PDCD1LG2: variants seen among roughly 807,000 people sequenced by gnomAD.
PDCD1LG2 encodes programmed cell death 1 ligand 2, also known as B7 dendritic cell molecule.
Under a neutral mutation model 28.2 loss-of-function variants are expected in PDCD1LG2, and 32 were observed. The observed-to-expected ratio is 1.13, with a 90% CI of 0.86 to 1.52. The LOEUF (loss-of-function observed/expected upper bound fraction) is 1.52. Ranked by LOEUF, PDCD1LG2 falls within the 40% of genes most tolerant of loss-of-function variation. The probability of loss-of-function intolerance (pLI) is 0.00; values close to 1 mark genes in which losing one functional copy is unlikely to be tolerated. For synonymous variants in PDCD1LG2, 116 were observed against 120.2 expected (o/e 0.97, Z 0.23); for missense variants, 385 against 323.8 (o/e 1.19, Z -1.45).
At chr9:5,513,734 G>C (rs1168053283) in intron 1 of PDCD1LG2, among the ~76,000 whole-genome samples, 1 of 152,176 alleles carries the variant, frequency 6.6e-6, no homozygotes, top group Non-Finnish European at 1.5e-5. Flanking sequence ...ATATACCTAT[G>C]ACAGCAGAGT....
At chr9:5,519,820 T>C (rs1203874306) in intron 1 of PDCD1LG2, among the ~76,000 whole-genome samples, 2 of 152,204 alleles carry the variant, frequency 1.3e-5, no homozygotes, top group Non-Finnish European at 2.9e-5. Context: ...AGCATCTCCA[T>C]TGCCTTAGTG....
chr9:5,526,428 C>CT (rs1232317168), intron 2 of PDCD1LG2, among the ~76,000 whole-genome samples: 1 of 151,888 alleles, frequency 6.6e-6, no homozygotes, highest in Non-Finnish European at 1.5e-5. Flanking sequence ...TTATTTTTAC[C>CT]TTTTTTAAAT....
intron 6 of PDCD1LG2, among the ~76,000 whole-genome samples, chr9:5,566,493 T>C (rs1816668156): frequency 6.6e-6 from 1 of 152,216 alleles, no homozygotes; most frequent in African/African-American, 2.4e-5. Context: ...GGGTAGAAGA[T>C]GTAAGAGTTG....
chr9:5,537,844 C>A (rs973019747), intron 3 of PDCD1LG2, among the ~76,000 whole-genome samples: 1 of 151,920 alleles, frequency 6.6e-6, no homozygotes, highest in South Asian at 2.1e-4. Flanking sequence ...CAAACCTGCA[C>A]GTTGTGCACA....
Position 5,563,181 on chromosome 9 carries a change from C to G in PDCD1LG2, c.786C>G (p.Val262=), listed in dbSNP as rs890047189. 6.2e-7 allele frequency: 1 copy of G among 1,612,538 alleles called. No individual in the cohort carries two copies. Among genetic ancestry groups the G allele is most frequent in the Non-Finnish European group, 8.5e-7 (1 of 1,178,774 alleles). Residue 262 remains valine (V), a synonymous_variant, in exon 6 of 7, where the codon GTC becomes GTG. Transcript: ENST00000397747. The part of the protein sequence containing the change: ...YSSKDTTKRP[V]TTTKREVNSA... ...TTTCAGACACAACAAAAAGACCTGT[C>G]ACCACAACAAAGAGGGAAGTGAACA...
intron 2 of PDCD1LG2, among the ~76,000 whole-genome samples, chr9:5,522,949 C>A (rs528871395): frequency 1.8e-4 from 28 of 152,270 alleles, no homozygotes; most frequent in Non-Finnish European, 1.5e-4. Context: ...GCAGCTGTCC[C>A]CTTCCTTTCT....
At chr9:5,525,918 A>G (rs1309718187) in intron 2 of PDCD1LG2, among the ~76,000 whole-genome samples, 1 of 152,054 alleles carries the variant, frequency 6.6e-6, no homozygotes, top group East Asian at 1.9e-4. Flanking sequence ...ATGGTGGCAC[A>G]AGCCTGTAAT....
intron 2 of PDCD1LG2, among the ~76,000 whole-genome samples, chr9:5,525,708 A>G (rs528404534): frequency 6.6e-6 from 1 of 152,274 alleles, no homozygotes; most frequent in East Asian, 1.9e-4. Flanking sequence ...TTTCATAAAT[A>G]AATATATTGC....
chr9:5,551,159 G>A (rs1234210402), intron 4 of PDCD1LG2, among the ~76,000 whole-genome samples: 3 of 152,154 alleles, frequency 2.0e-5, no homozygotes, highest in African/African-American at 7.2e-5. Flanking sequence ...ATGTTCCAGG[G>A]ATTAGAATAT....
intron 3 of PDCD1LG2, among the ~76,000 whole-genome samples, chr9:5,543,157 G>A (rs558771669): frequency 9.2e-5 from 14 of 152,266 alleles, no homozygotes; most frequent in Admixed American, 7.9e-4. Flanking sequence ...ATAAGTGCGA[G>A]CTAAGCTATG....
chr9:5,532,919 C>T (rs990163463), intron 2 of PDCD1LG2, among the ~76,000 whole-genome samples: 1 of 152,162 alleles, frequency 6.6e-6, no homozygotes, highest in Non-Finnish European at 1.5e-5. Flanking sequence ...AGAGTTCAAC[C>T]TCATTTTATA....
chr9:5,548,908 T>C (rs1816265186), intron 3 of PDCD1LG2, among the ~76,000 whole-genome samples: 1 of 152,250 alleles, frequency 6.6e-6, no homozygotes, highest in Admixed American at 6.5e-5. Context: ...GTGATTTTTA[T>C]TTTTCCGTCC....
At chr9:5,522,700 C>A in intron 2 of PDCD1LG2, 99 bp downstream of exon 2, 5 of 990,316 alleles carry the variant, frequency 5.0e-6, no homozygotes, top group African/African-American at 1.6e-5. Flanking sequence ...TGAGGGCTTT[C>A]TTTGAGAGGA....
intron 3 of PDCD1LG2, among the ~76,000 whole-genome samples, chr9:5,546,124 A>G (rs1032900633): frequency 6.6e-6 from 1 of 152,092 alleles, no homozygotes; most frequent in African/African-American, 2.4e-5. Context: ...TGATTCTTGT[A>G]GTGGAAGAGC....
chr9:5,543,876 G>A (rs890777842), intron 3 of PDCD1LG2, among the ~76,000 whole-genome samples: 1 of 147,352 alleles, frequency 6.8e-6, no homozygotes, highest in Non-Finnish European at 1.5e-5. Flanking sequence ...AATGGGGTGG[G>A]GGGGAGGGGA....
chr9:5,520,777 C>T (rs1820258008), intron 1 of PDCD1LG2, among the ~76,000 whole-genome samples: 1 of 152,002 alleles, frequency 6.6e-6, no homozygotes, highest in South Asian at 2.1e-4. Flanking sequence ...AAAAATATTT[C>T]CAAATCATAT....
At chr9:5,557,791 T>A (rs750071589) in intron 5 of PDCD1LG2, 39 bp downstream of exon 5, 1 of 1,610,628 alleles carries the variant, frequency 6.2e-7, no homozygotes, top group Admixed American at 1.7e-5. Context: ...ATGCACTGGG[T>A]GTCTGCAGCA....
intron 2 of PDCD1LG2, among the ~76,000 whole-genome samples, chr9:5,533,334 T>C (rs1007948626): frequency 6.6e-6 from 1 of 152,246 alleles, no homozygotes; most frequent in Non-Finnish European, 1.5e-5. Context: ...CCACTCCTTA[T>C]GCTTTTTTTA....
At chr9:5,521,856 T>C (rs1185454723) in intron 1 of PDCD1LG2, among the ~76,000 whole-genome samples, 1 of 152,042 alleles carries the variant, frequency 6.6e-6, no homozygotes, top group Non-Finnish European at 1.5e-5. Flanking sequence ...TCCTCAACCA[T>C]AAGAAGTCCA....
Sources: gnomAD v4.1 joint callset for allele counts (sites outside exome capture counted in the v4.1 genomes callset) on GRCh38, gnomAD v4.1.1 for gene constraint, MANE v1.5 for transcripts, NCBI Gene and HGNC (gene_info 2026-07-23, HGNC 2026-07-21) for gene names.